VPS13D: variants seen among roughly 807,000 people sequenced by gnomAD.
VPS13D encodes the protein intermembrane lipid transfer protein VPS13D.
In VPS13D, 187 loss-of-function variants were observed where a neutral mutation model predicts 461.9. The observed-to-expected ratio is 0.40, with a 90% CI of 0.36 to 0.46. The LOEUF (loss-of-function observed/expected upper bound fraction) is 0.46, where lower values mean the gene tolerates loss of function less well. Ranked by LOEUF, VPS13D falls within the 20% of genes least tolerant of loss-of-function variation. VPS13D has a pLI of 0.60. For synonymous variants in VPS13D, 1,951 were observed against 1,986.3 expected (o/e 0.98, Z 0.47); for missense variants, 4,711 against 5,364.9 (o/e 0.88, Z 3.81).
intron 26 of VPS13D, among the ~76,000 whole-genome samples, chr1:12,305,093 T>TA (rs151095641): frequency 0.021 from 3,261 of 152,206 alleles, 135 homozygotes; most frequent in Admixed American, 0.11. Flanking sequence ...TGCAAACCAC[T>TA]AAGTCTAAAA....
chr1:12,383,055 C>G lies in VPS13D; in HGVS notation c.11270C>G (p.Pro3757Arg), dbSNP rs1277039190. ...GPDTSMELLGPVPPEQQFINQ... is the reference protein window; with the variant it reads ...GPDTSMELLGRVPPEQQFINQ... The stretch of plus-strand genomic sequence containing the variant: ...GACACTTCCATGGAGCTTTTGGGGC[C>G]AGTTCCACCTGAACAACAATTTATT... Residue 3757 changes from proline to arginine, a missense_variant, in exon 58 of 70, where the codon CCA becomes CGA. By Grantham distance (103) the Pro-to-Arg change is moderately radical. Around this residue, in one of 3 missense-constraint regions of VPS13D, gnomAD observed 4,411 missense variants for 4,937.8 expected, o/e 0.89. Coordinates refer to ENST00000620676, the MANE Select transcript of VPS13D (RefSeq NM_015378.4). 4 of 1,613,988 alleles carry G rather than the reference C, an allele frequency of 2.5e-6. No individual in the cohort carries two copies. Among genetic ancestry groups the G allele is most frequent in the Non-Finnish European group, 3.4e-6 (4 of 1,180,022 alleles).
chr1:12,256,529 C>A, intron 8 of VPS13D, 26 bp downstream of exon 8: 9 of 1,610,180 alleles, frequency 5.6e-6, no homozygotes, highest in Non-Finnish European at 7.6e-6. Flanking sequence ...TCAGTGGCAT[C>A]TACTTACTGT....
chr1:12,244,341 C>G lies in VPS13D; in HGVS notation c.271C>G (p.Pro91Ala), dbSNP rs772760072. The G allele has an allele frequency of 6.2e-7, 1 of 1,613,982 alleles. No individual in the cohort carries two copies. Reference protein sequence around the residue: ...SISSLHLIGAPEKIQDFNDEK... With the variant: ...SISSLHLIGAAEKIQDFNDEK... ...CTCCAGCCTTCACTTAATTGGAGCCCCAGAGAAAATACAGGATTTCAATGA... is the reference window on the plus strand; with the variant it reads ...CTCCAGCCTTCACTTAATTGGAGCCGCAGAGAAAATACAGGATTTCAATGA... Residue 91 changes from proline (P) to alanine (A), a missense_variant, in exon 4 of 70, where the codon CCA becomes GCA. Pro to Ala is a conservative substitution (Grantham distance 27, BLOSUM62 -1). Coordinates refer to ENST00000620676, the MANE Select transcript of VPS13D (RefSeq NM_015378.4).
At chr1:12,305,549 C>A (rs371172452) in intron 26 of VPS13D, among the ~76,000 whole-genome samples, 5 of 152,086 alleles carry the variant, frequency 3.3e-5, no homozygotes, top group Admixed American at 1.3e-4. Flanking sequence ...CTCAGCCTCC[C>A]GAAGTGCTGG....
chr1:12,279,511 T>C lies in VPS13D; in HGVS notation c.4463T>C (p.Leu1488Pro). Residue 1488 changes from leucine to proline, a missense_variant, in exon 20 of 70, where the codon CTG becomes CCG. This residue lies in a region of VPS13D where 4,411 missense variants were observed against 4,937.8 expected (regional missense o/e 0.89). Coordinates refer to ENST00000620676, the MANE Select transcript of VPS13D (RefSeq NM_015378.4). This position sits in a 1 kb window ranked among gnomAD's most constrained non-coding sequence, Gnocchi z 4.3. ...SLHRGQAFHI[L>P]NNTTIQFKLE... is the part of the protein sequence containing the mutation. ...TCTTTTATGCCAGCTTTTCACATCC[T>C]GAACAACACCACCATTCAGTTTAAA... is the stretch of plus-strand genomic sequence containing the variant. The C allele has an allele frequency of 6.3e-7, 1 of 1,596,502 alleles. No individual in the cohort carries two copies. The highest frequency in any genetic ancestry group is 8.6e-7 in the Non-Finnish European group (1 of 1,167,932).
At chr1:12,381,174 T>C (rs917764366) in intron 57 of VPS13D, among the ~76,000 whole-genome samples, 3 of 152,214 alleles carry the variant, frequency 2.0e-5, no homozygotes, top group African/African-American at 4.8e-5. Context: ...TTCAATCTTA[T>C]TATGCTGAAT....
chr1:12,348,680 G>T, intron 44 of VPS13D, 143 bp from the exon 45 acceptor site: 1 of 1,037,186 alleles, frequency 9.6e-7, no homozygotes, highest in Non-Finnish European at 1.4e-6. Context: ...AAAGTTGAAT[G>T]GCTTTAGGGT....
intron 24 of VPS13D, among the ~76,000 whole-genome samples, chr1:12,298,095 T>G (rs2101451956): frequency 6.6e-6 from 1 of 152,288 alleles, no homozygotes; most frequent in South Asian, 2.1e-4. Context: ...CTGTTACATT[T>G]TCACCTCAGT....
chr1:12,245,911 TGTGTAGTA>T (rs1315254738), intron 5 of VPS13D, among the ~76,000 whole-genome samples: 1 of 152,266 alleles, frequency 6.6e-6, no homozygotes, highest in Admixed American at 6.5e-5. Context: ...AAGGGTCATC[TGTGTAGTA>T]GCATGTGTCA....
At chr1:12,342,001 A>G (rs1643579916) in intron 41 of VPS13D, 116 bp downstream of exon 41, 1 of 846,952 alleles carries the variant, frequency 1.2e-6, no homozygotes, top group Non-Finnish European at 1.8e-6. Context: ...ATTTGAATGA[A>G]TAACTTGCTG....
rs35000246 is a variant in VPS13D at position 12,261,959 on chromosome 1, G to A, written c.1473G>A (p.Lys491=). 1.3e-4 allele frequency: 205 copies of A among 1,614,020 alleles called. 1 individual carries two copies. Among genetic ancestry groups the A allele is most frequent in the Non-Finnish European group, 2.5e-5 (29 of 1,180,016 alleles). Residue 491 remains lysine (K), a synonymous_variant, in exon 13 of 70, where the codon AAG becomes AAA. Coordinates refer to ENST00000620676, the MANE Select transcript of VPS13D (RefSeq NM_015378.4). ...ADASCMNTYT[K]RDHVFAKLNL... The stretch of plus-strand genomic sequence containing the variant: ...CCTCGTGTATGAACACGTATACAAA[G>A]CGAGATCATGTCTTTGCCAAACTGA...
At chr1:12,420,245 AT>A (rs1179398856) in intron 65 of VPS13D, among the ~76,000 whole-genome samples, 8 of 152,190 alleles carry the variant, frequency 5.3e-5, no homozygotes, top group Admixed American at 1.3e-4. Flanking sequence ...AAAGATGTGC[AT>A]TTTCTTGTAG....
intron 46 of VPS13D, among the ~76,000 whole-genome samples, chr1:12,350,660 T>C (rs1643772978): frequency 6.6e-6 from 1 of 152,132 alleles, no homozygotes; most frequent in Non-Finnish European, 1.5e-5. Flanking sequence ...ATCTTCTGCC[T>C]TCAGAAGTTA....
chr1:12,428,009 C>G (rs961934402), intron 65 of VPS13D, among the ~76,000 whole-genome samples: 3 of 152,120 alleles, frequency 2.0e-5, no homozygotes, highest in Non-Finnish European at 4.4e-5. Flanking sequence ...CACAAAGAAA[C>G]AATGTATGAC....
At chr1:12,415,343 G>C in intron 64 of VPS13D, 122 bp downstream of exon 64, 1 of 1,306,238 alleles carries the variant, frequency 7.7e-7, no homozygotes, top group Non-Finnish European at 1.1e-6. Flanking sequence ...CAACTCTGTT[G>C]TGTTACGGGT....
intron 5 of VPS13D, among the ~76,000 whole-genome samples, chr1:12,247,975 C>T (rs1640614665): frequency 6.6e-6 from 1 of 151,622 alleles, no homozygotes; most frequent in African/African-American, 2.4e-5. Context: ...GCAAACTCCG[C>T]CTCCCGGGTT....
chr1:12,230,080 C>G lies in VPS13D; in HGVS notation c.-117C>G, dbSNP rs868090947. ...GAGGAGCGGCGGGGAGGAAACGCCGCGCAGCGCCGGGCTGGGGCGGGCGGC... is the reference window on the plus strand; with the variant it reads ...GAGGAGCGGCGGGGAGGAAACGCCGGGCAGCGCCGGGCTGGGGCGGGCGGC... On this transcript the variant is annotated 5_prime_UTR_variant, in exon 1 of 70. Coordinates refer to ENST00000620676, the MANE Select transcript of VPS13D (RefSeq NM_015378.4). The G allele has an allele frequency of 1.3e-5, 2 of 151,996 alleles. No homozygotes were observed. The highest frequency in any genetic ancestry group is 2.9e-5 in the Non-Finnish European group (2 of 68,004). The allele number at this position is 151,996 out of a possible 1,614,324, so 9.4% of individuals were successfully genotyped here.
intron 60 of VPS13D, among the ~76,000 whole-genome samples, chr1:12,399,908 A>G (rs1237487752): frequency 6.6e-6 from 1 of 152,202 alleles, no homozygotes; most frequent in Non-Finnish European, 1.5e-5. Flanking sequence ...TTGAGCTAAT[A>G]TATGTATTGC....
rs150217105 is a variant in VPS13D at position 12,495,294 on chromosome 1, C to T, written c.12663-2206C>T. ...CCTCCTGAATAGCTGGGACTACAGG[C>T]GCCCGCCACTCCCCCGCCCACCCCA... is the stretch of plus-strand genomic sequence containing the variant. On this transcript the variant is annotated intron_variant, in intron 67 of 69. Transcript: ENST00000620676. The surrounding 1 kb of genome is among the most constrained non-coding windows in gnomAD (Gnocchi z 4.0). 3.6e-4 allele frequency among the ~76,000 whole-genome samples: 55 copies of T among 151,524 alleles called. No individual in the cohort carries two copies. The highest frequency in any genetic ancestry group is 1.2e-3 in the African/African-American group (49 of 41,394).
Sources: allele counts gnomAD v4.1 joint callset (sites outside exome capture counted in the v4.1 genomes callset), GRCh38; gene constraint gnomAD v4.1.1; regional missense constraint gnomAD v4.1.1; non-coding constraint Gnocchi (gnomAD v3.1); transcripts MANE v1.5; gene names NCBI Gene and HGNC (gene_info 2026-07-23, HGNC 2026-07-21).